Variants in TUSC3 observed in about 807,000 individuals in gnomAD.
TUSC3 encodes the protein dolichyl-diphosphooligosaccharide--protein glycosyltransferase subunit TUSC3.
TUSC3 carries 45 observed loss-of-function variants against 44.8 expected under a neutral mutation model. The observed-to-expected ratio is 1.00, with a 90% CI of 0.79 to 1.29. The LOEUF is 1.29. Among genes scored for constraint, TUSC3 ranks in the 50% most tolerant of loss-of-function variants. TUSC3 has a pLI of 0.00. For synonymous variants in TUSC3, 212 were observed against 152.9 expected (o/e 1.39, Z -2.85); for missense variants, 519 against 437.9 (o/e 1.19, Z -1.65).
downstream of TUSC3, among the ~76,000 whole-genome samples, chr8:15,771,180 G>C (rs899844932): frequency 6.6e-6 from 1 of 152,128 alleles, no homozygotes; most frequent in African/African-American, 2.4e-5. Flanking sequence ...GGATAAAGTA[G>C]TACCTTCCCA....
chr8:15,714,629 C>T (rs1325047015), intron 6 of TUSC3, among the ~76,000 whole-genome samples: 1 of 152,042 alleles, frequency 6.6e-6, no homozygotes, highest in East Asian at 1.9e-4. Flanking sequence ...TACATAATTT[C>T]CAAGGTTATA....
chr8:15,528,745 G>GA (rs1280327542), intron 2 of TUSC3, among the ~76,000 whole-genome samples: 1 of 152,094 alleles, frequency 6.6e-6, no homozygotes, highest in African/African-American at 2.4e-5. Flanking sequence ...AATTGCTACA[G>GA]ATTGCCTGAA....
chr8:15,561,779 C>G (rs74687868), intron 1 of TUSC3: 8 of 151,426 alleles, frequency 5.3e-5, no homozygotes, highest in African/African-American at 1.9e-4. Flanking sequence ...AGGTGCCGTC[C>G]GTCACCCCTT....
At chr8:15,747,928 C>T (rs954093969) in intron 8 of TUSC3, among the ~76,000 whole-genome samples, 6 of 152,072 alleles carry the variant, frequency 3.9e-5, no homozygotes, top group Non-Finnish European at 8.8e-5. Flanking sequence ...TGCATAGCAT[C>T]GGAAAAGATC....
chr8:15,534,821 G>GGTA (rs1801501210), intron 2 of TUSC3, among the ~76,000 whole-genome samples: 1 of 152,196 alleles, frequency 6.6e-6, no homozygotes, highest in Non-Finnish European at 1.5e-5. Flanking sequence ...ACAGGAATCA[G>GGTA]AAGTGAGGTA....
intron 2 of TUSC3, among the ~76,000 whole-genome samples, chr8:15,513,321 A>G (rs1563270992): frequency 6.6e-6 from 1 of 152,122 alleles, no homozygotes; most frequent in African/African-American, 2.4e-5. Flanking sequence ...ATAAAAAATA[A>G]TTTTTTAAAT....
the TUSC3 span, among the ~76,000 whole-genome samples, chr8:15,786,106 C>A: frequency 6.6e-6 from 1 of 151,948 alleles, no homozygotes; most frequent in Non-Finnish European, 1.5e-5. Flanking sequence ...AATTTTAAAC[C>A]TTTTAAATGT....
At chr8:15,523,099 A>G (rs370971590) in intron 2 of TUSC3, among the ~76,000 whole-genome samples, 73 of 152,164 alleles carry the variant, frequency 4.8e-4, no homozygotes, top group African/African-American at 1.7e-3. Flanking sequence ...TACTAAGTCA[A>G]TAAAGCATCT....
chr8:15,651,671 T>C (rs567586058), intron 3 of TUSC3, among the ~76,000 whole-genome samples: 4 of 152,324 alleles, frequency 2.6e-5, no homozygotes, highest in African/African-American at 9.6e-5. Context: ...GCCGGCACCT[T>C]CCTCTTGGAC....
the TUSC3 span, among the ~76,000 whole-genome samples, chr8:15,793,225 C>G: frequency 1.3e-5 from 2 of 152,122 alleles, no homozygotes; most frequent in African/African-American, 2.4e-5. Context: ...AATCATCCAT[C>G]ATTTCAGCCC....
intron 6 of TUSC3, among the ~76,000 whole-genome samples, chr8:15,698,282 A>C (rs4379450): frequency 6.6e-6 from 1 of 151,722 alleles, no homozygotes; most frequent in Non-Finnish European, 1.5e-5. Flanking sequence ...CTGCCAAGAA[A>C]AAAAATTATT....
At chr8:15,610,326 C>T (rs1804706439) in intron 1 of TUSC3, among the ~76,000 whole-genome samples, 1 of 152,202 alleles carries the variant, frequency 6.6e-6, no homozygotes, top group Non-Finnish European at 1.5e-5. Context: ...GGTATAGCAA[C>T]ATCTAACATT....
the TUSC3 span, among the ~76,000 whole-genome samples, chr8:15,811,757 T>A: frequency 2.0e-5 from 3 of 152,298 alleles, no homozygotes; most frequent in East Asian, 5.8e-4. Context: ...TATAGTGCTT[T>A]GATAATATAG....
At chr8:15,824,386 A>G in the TUSC3 span, among the ~76,000 whole-genome samples, 4 of 152,182 alleles carry the variant, frequency 2.6e-5, no homozygotes, top group Admixed American at 6.5e-5. Flanking sequence ...TGGGCTTAAT[A>G]TATACAAACT....
In TUSC3 at chr8:15,599,503, G is replaced by A. The variant is rs144630542; in HGVS notation, c.139-23577G>A. 4.6e-5 allele frequency among the ~76,000 whole-genome samples: 7 copies of A among 151,624 alleles called. No individual in the cohort carries two copies. In the East Asian group the frequency reaches 9.7e-4, roughly 21 times the overall value. On this transcript the variant is annotated intron_variant, in intron 1 of 10. Transcript: ENST00000503731. ...CCTTTGGTATATCTAAAAAGTCATC[G>A]CCATACCCAGTTACCTAGGTTTTCT...
chr8:15,651,616 G>T (rs1393738170), intron 3 of TUSC3, among the ~76,000 whole-genome samples: 1 of 152,198 alleles, frequency 6.6e-6, no homozygotes, highest in Non-Finnish European at 1.5e-5. Flanking sequence ...ACAGCGAGAA[G>T]ATGGTCACAG....
chr8:15,767,734 C>G (rs759697483), downstream of TUSC3, among the ~76,000 whole-genome samples: 1 of 152,028 alleles, frequency 6.6e-6, no homozygotes, highest in African/African-American at 2.4e-5. Flanking sequence ...CTTCGGTTGA[C>G]GTAACTCAGA....
chr8:15,648,725 C>CAAAA (rs58526383), intron 2 of TUSC3, among the ~76,000 whole-genome samples: 665 of 26,140 alleles, frequency 0.025, 183 homozygotes, highest in Middle Eastern at 0.062. Flanking sequence ...GACTCTGTGT[C>CAAAA]AAAAAAAAAA....
rs773252837 is a variant in TUSC3 at position 15,540,581 on chromosome 8, C to T, written c.138+13C>T. 4 of 1,553,242 alleles carry T rather than the reference C, an allele frequency of 2.6e-6. No homozygotes were observed. Among genetic ancestry groups the T allele is most frequent in the African/African-American group, 2.8e-5 (2 of 70,726 alleles). On this transcript the variant is annotated intron_variant, in intron 1 of 10. Coordinates refer to ENST00000503731, the MANE Select transcript of TUSC3 (RefSeq NM_006765.4). ...GAAGAAAAAGGAGGTAGAATGGATC[C>T]CCTTGGCCTTCCCCTGTGGGCGGGG... is the stretch of plus-strand genomic sequence containing the variant.
Sources: allele counts gnomAD v4.1 joint callset (sites outside exome capture counted in the v4.1 genomes callset), GRCh38; gene constraint gnomAD v4.1.1; transcripts MANE v1.5; gene names NCBI Gene and HGNC (gene_info 2026-07-23, HGNC 2026-07-21).